The following MYBPC1 variants were observed in gnomAD, a reference collection of about 807,000 sequenced individuals.
MYBPC1 encodes myosin-binding protein C, slow-type.
A neutral mutation model predicts 147.1 loss-of-function variants in MYBPC1; 52 were observed. That is an observed-to-expected ratio of 0.35 (90% CI 0.28 to 0.45). MYBPC1 has a LOEUF of 0.45. Among genes scored for constraint, MYBPC1 ranks in the 20% least tolerant of loss-of-function variants. The pLI, the probability that MYBPC1 is intolerant of heterozygous loss-of-function variation, is 1.00. For synonymous variants in MYBPC1, 477 were observed against 475.9 expected, an observed-to-expected ratio of 1.00 and a Z score of -0.03; for missense variants, 1,228 against 1,440.3, an observed-to-expected ratio of 0.85 and a Z score of 2.39.
intron 1 of MYBPC1, 112 bp from the exon 2 acceptor site, chr12:101,614,384 A>G: frequency 9.1e-7 from 1 of 1,098,284 alleles, no homozygotes; most frequent in Non-Finnish European, 1.4e-6. Context: ...CCCTCTTGTG[A>G]GTACACACAG....
chr12:101,608,049 T>G (rs536052290), intron 1 of MYBPC1, among the ~76,000 whole-genome samples: 2 of 152,356 alleles, frequency 1.3e-5, no homozygotes, highest in Non-Finnish European at 2.9e-5. Flanking sequence ...TCAATTAGAA[T>G]GCCTTGGCAC....
At chr12:101,601,131 A>C (rs142001019) in intron 1 of MYBPC1, among the ~76,000 whole-genome samples, 1 of 152,362 alleles carries the variant, frequency 6.6e-6, no homozygotes, top group Non-Finnish European at 1.5e-5. Flanking sequence ...AGAGCATACC[A>C]GTTAAGGAAA....
intron 23 of MYBPC1, among the ~76,000 whole-genome samples, chr12:101,668,729 T>C (rs1897972829): frequency 6.6e-6 from 1 of 152,088 alleles, no homozygotes; most frequent in South Asian, 2.1e-4. Context: ...CCTCCCAAAG[T>C]GCTGGGATTA....
chr12:101,674,862 CAA>C (rs62824364), intron 25 of MYBPC1, among the ~76,000 whole-genome samples: 21 of 59,832 alleles, frequency 3.5e-4, no homozygotes, highest in South Asian at 3.5e-3. Context: ...ACTCTGTCTC[CAA>C]AAAAAAAAAA....
intron 26 of MYBPC1, 64 bp downstream of exon 26, chr12:101,675,495 A>G (rs1191637454): frequency 1.2e-5 from 19 of 1,607,546 alleles, no homozygotes; most frequent in Non-Finnish European, 1.6e-5. Context: ...GGTAAAGGAG[A>G]TGGCACAAGG....
At chr12:101,602,058 C>T (rs1004281268) in intron 1 of MYBPC1, among the ~76,000 whole-genome samples, 15 of 152,092 alleles carry the variant, frequency 9.9e-5, no homozygotes, top group African/African-American at 3.6e-4. Flanking sequence ...ATTTGTAGAA[C>T]ATTCTAGACA....
chr12:101,607,605 T>G (rs537512108), intron 1 of MYBPC1, among the ~76,000 whole-genome samples: 1 of 152,304 alleles, frequency 6.6e-6, no homozygotes, highest in African/African-American at 2.4e-5. Flanking sequence ...TAATGATAAC[T>G]GTTATTGTGT....
intron 3 of MYBPC1, among the ~76,000 whole-genome samples, chr12:101,623,317 C>T (rs1187654356): frequency 2.0e-5 from 3 of 151,974 alleles, no homozygotes; most frequent in East Asian, 1.9e-4. Flanking sequence ...CCAGCCTGGG[C>T]GATAGAGGGA....
intron 7 of MYBPC1, 31 bp downstream of exon 7, chr12:101,631,750 C>A: frequency 1.2e-6 from 2 of 1,613,442 alleles, no homozygotes; most frequent in South Asian, 2.2e-5. Flanking sequence ...GACAGGCGCT[C>A]AGCTAGCGCA....
chr12:101,609,405 C>T (rs565834555), intron 1 of MYBPC1, among the ~76,000 whole-genome samples: 1 of 152,198 alleles, frequency 6.6e-6, no homozygotes, highest in East Asian at 1.9e-4. Flanking sequence ...GATCCTCCCA[C>T]CTCAGCCTCC....
intron 1 of MYBPC1, among the ~76,000 whole-genome samples, chr12:101,610,156 C>T (rs1297315879): frequency 6.6e-6 from 1 of 152,202 alleles, no homozygotes; most frequent in Non-Finnish European, 1.5e-5. Context: ...TTTACCACTC[C>T]TTGGTTTCCC....
At chr12:101,635,049 C>T (rs1448673512) in intron 9 of MYBPC1, among the ~76,000 whole-genome samples, 1 of 152,130 alleles carries the variant, frequency 6.6e-6, no homozygotes, top group Non-Finnish European at 1.5e-5. Context: ...AAAACCACAA[C>T]CAAGTAGCTA....
intron 29 of MYBPC1, among the ~76,000 whole-genome samples, chr12:101,681,792 A>G (rs992987832): frequency 6.6e-6 from 1 of 150,560 alleles, no homozygotes; most frequent in East Asian, 2.0e-4. Flanking sequence ...TATCTTCAGT[A>G]AAGACGGGTT....
Position 101,628,478 on chromosome 12 carries a change from C to A in MYBPC1, c.178+674C>A, listed in dbSNP as rs568577189. 2.7e-3 allele frequency among the ~76,000 whole-genome samples: 415 copies of A among 152,236 alleles called. 8 individuals are homozygous for A. The highest frequency in any genetic ancestry group is 6.3e-4 in the Non-Finnish European group (43 of 68,024). ...TCATTGTGAAAATGATGGCCTACTA[C>A]TACAGATAGAAATATCAAGCATGAT... On this transcript the variant is annotated intron_variant, in intron 5 of 31. Coordinates refer to ENST00000361466, the MANE Select transcript of MYBPC1 (RefSeq NM_002465.4).
At chr12:101,626,504 C>T (rs954046181) in intron 3 of MYBPC1, among the ~76,000 whole-genome samples, 2 of 152,106 alleles carry the variant, frequency 1.3e-5, no homozygotes, top group African/African-American at 4.8e-5. Context: ...TGAATAAGGT[C>T]TGCCATTCAC....
intron 13 of MYBPC1, 92 bp from the exon 14 acceptor site, chr12:101,647,953 T>G: frequency 1.0e-6 from 1 of 1,004,742 alleles, no homozygotes; most frequent in Non-Finnish European, 1.6e-6. Flanking sequence ...TGTTGCTTTC[T>G]CACTGTTGGT....
chr12:101,680,676 G>A, intron 29 of MYBPC1, 147 bp downstream of exon 29: 1 of 908,094 alleles, frequency 1.1e-6, no homozygotes, highest in Non-Finnish European at 1.7e-6. Flanking sequence ...GGGAAGCAGG[G>A]AGGGAATTAA....
At chr12:101,599,014 A>G (rs192425507) in intron 1 of MYBPC1, among the ~76,000 whole-genome samples, 1 of 152,338 alleles carries the variant, frequency 6.6e-6, no homozygotes, top group African/African-American at 2.4e-5. Flanking sequence ...AACTTGTCCG[A>G]AAAGGCAAAA....
rs1453790178 is a variant in MYBPC1 at position 101,617,234 on chromosome 12, C to T, written c.94C>T (p.Pro32Ser). ...TAAAGAGAAGGAGGCCGGAACTACA[C>T]CAGCAAAAGGTGAGTTGGAGGGAGG... The part of the protein sequence containing the change: ...PSKEKEAGTT[P>S]AKDEEEVSPP... Residue 32 changes from proline to serine, a missense_variant, in exon 3 of 32, where the codon CCA becomes TCA. Coordinates refer to ENST00000361466, the MANE Select transcript of MYBPC1 (RefSeq NM_002465.4). 3.1e-6 allele frequency: 5 copies of T among 1,613,662 alleles called. No individual in the cohort carries two copies. Among genetic ancestry groups the T allele is most frequent in the Non-Finnish European group, 4.2e-6 (5 of 1,179,848 alleles).
Sources: allele counts gnomAD v4.1 joint callset (sites outside exome capture counted in the v4.1 genomes callset), GRCh38; gene constraint gnomAD v4.1.1; transcripts MANE v1.5; gene names NCBI Gene and HGNC (gene_info 2026-07-23, HGNC 2026-07-21).